Variants in RALGAPA2 observed in about 807,000 individuals in gnomAD.
RALGAPA2 encodes the protein ral GTPase-activating protein subunit alpha-2.
A neutral mutation model predicts 230.4 loss-of-function variants in RALGAPA2; 139 were observed. That is an observed-to-expected ratio of 0.60 (90% CI 0.53 to 0.69). The LOEUF is 0.69. Ranked by LOEUF, RALGAPA2 falls within the 30% of genes least tolerant of loss-of-function variation. The pLI is 0.00. For missense variants in RALGAPA2, 2,163 were observed against 2,276.0 expected, an observed-to-expected ratio of 0.95 and a Z score of 1.01; for synonymous variants, 847 against 837.8, an observed-to-expected ratio of 1.01 and a Z score of -0.19.
At chr20:20,709,311 T>C (rs923589494) in intron 1 of RALGAPA2, among the ~76,000 whole-genome samples, 1 of 150,714 alleles carries the variant, frequency 6.6e-6, no homozygotes, top group Non-Finnish European at 1.5e-5. Flanking sequence ...AGAGTGAGAC[T>C]CCATCTCAAA....
At chr20:20,578,052 A>C (rs1488452122) in intron 20 of RALGAPA2, among the ~76,000 whole-genome samples, 2 of 152,116 alleles carry the variant, frequency 1.3e-5, no homozygotes, top group African/African-American at 4.8e-5. Context: ...ACTGCTTTAC[A>C]CTCAGAAAAA....
intron 35 of RALGAPA2, among the ~76,000 whole-genome samples, chr20:20,496,422 T>C (rs1372420298): frequency 6.6e-6 from 1 of 152,180 alleles, no homozygotes; most frequent in Non-Finnish European, 1.5e-5. Context: ...AAGATTAAAA[T>C]GTTGGCCAAA....
chr20:20,455,884 T>C (rs548151305), intron 37 of RALGAPA2, among the ~76,000 whole-genome samples: 2 of 152,260 alleles, frequency 1.3e-5, no homozygotes, highest in South Asian at 4.1e-4. Context: ...AAAAGTCAAA[T>C]ACAATTATGA....
At position 20,391,281 on chromosome 20, in the gene RALGAPA2, T is replaced by C. The variant is rs546861646; in HGVS notation, c.*2008A>G. On this transcript the variant is annotated 3_prime_UTR_variant, in exon 40 of 40. Coordinates refer to ENST00000202677, the MANE Select transcript of RALGAPA2 (RefSeq NM_020343.4). ...TATGCTGCCCAGATGTCTGGAATCA[T>C]TTAAAATAAAGGGGCATTTGCTGAC... is the stretch of plus-strand genomic sequence containing the variant. The C allele has an allele frequency of 2.0e-5, 3 of 152,234 alleles. No individual in the cohort carries two copies. Among genetic ancestry groups the C allele is most frequent in the Admixed American group, 6.5e-5 (1 of 15,302 alleles). 9.4% of individuals were successfully genotyped at this position (152,234 alleles called of 1,614,324 possible).
At chr20:20,571,144 AC>A (rs1357294014) in intron 23 of RALGAPA2, among the ~76,000 whole-genome samples, 1 of 152,218 alleles carries the variant, frequency 6.6e-6, no homozygotes, top group African/African-American at 2.4e-5. Flanking sequence ...TTAATGCAGA[AC>A]CCAAACAAAA....
chr20:20,575,419 T>C (rs1006547704), intron 20 of RALGAPA2, among the ~76,000 whole-genome samples: 10 of 151,806 alleles, frequency 6.6e-5, no homozygotes, highest in South Asian at 4.2e-4. Context: ...TTTTTTTTTT[T>C]CCTGGAATTC....
At chr20:20,655,129 A>C (rs1036659959) in intron 3 of RALGAPA2, among the ~76,000 whole-genome samples, 10 of 152,220 alleles carry the variant, frequency 6.6e-5, no homozygotes, top group Admixed American at 3.3e-4. Flanking sequence ...TTACTACACG[A>C]TAATTCTGAC....
chr20:20,623,190 T>C (rs942471834), intron 10 of RALGAPA2, among the ~76,000 whole-genome samples: 1 of 152,190 alleles, frequency 6.6e-6, no homozygotes, highest in Non-Finnish European at 1.5e-5. Context: ...TAAGATTTAA[T>C]TTAAAAATCT....
Position 20,649,300 on chromosome 20 carries a change from G to A in RALGAPA2, c.328+4230C>T, listed in dbSNP as rs192565028. Among the ~76,000 whole-genome samples, 56 of 152,248 alleles carry A rather than the reference G, an allele frequency of 3.7e-4. 1 individual carries two copies. In the East Asian group the frequency reaches 0.01, roughly 28 times the overall value. On this transcript the variant is annotated intron_variant, in intron 4 of 39. Coordinates refer to ENST00000202677, the MANE Select transcript of RALGAPA2 (RefSeq NM_020343.4). ...GGAGCAGGGAAAGCTGCCAGACTCAGGCTCCCAAGGAAAAGTTAGGACCCA... is the reference window on the plus strand; with the variant it reads ...GGAGCAGGGAAAGCTGCCAGACTCAAGCTCCCAAGGAAAAGTTAGGACCCA...
intron 5 of RALGAPA2, among the ~76,000 whole-genome samples, chr20:20,641,336 T>C (rs1265694642): frequency 5.9e-5 from 9 of 152,216 alleles, no homozygotes; most frequent in Non-Finnish European, 8.8e-5. Context: ...CAATTATCCA[T>C]AAAAACAATG....
chr20:20,644,114 T>C (rs1039350718), intron 4 of RALGAPA2, among the ~76,000 whole-genome samples: 3 of 152,162 alleles, frequency 2.0e-5, no homozygotes, highest in Admixed American at 6.5e-5. Context: ...CTTAGGAGGA[T>C]AGAACACTAT....
chr20:20,502,367 C>A (rs1462142758), intron 35 of RALGAPA2, among the ~76,000 whole-genome samples: 1 of 152,168 alleles, frequency 6.6e-6, no homozygotes, highest in Non-Finnish European at 1.5e-5. Flanking sequence ...AAAAAAGAAT[C>A]AATTAGACCA....
At chr20:20,550,768 G>A (rs1030311449) in intron 23 of RALGAPA2, among the ~76,000 whole-genome samples, 3 of 152,152 alleles carry the variant, frequency 2.0e-5, no homozygotes, top group Admixed American at 6.5e-5. Flanking sequence ...TATGTAATGG[G>A]ATAGGAGATA....
chr20:20,555,254 GA>G lies in RALGAPA2; in HGVS notation c.3157-8423del, dbSNP rs1421809472. Among the ~76,000 whole-genome samples the G allele has an allele frequency of 5.3e-5, 8 of 152,180 alleles. No individual in the cohort carries two copies. The East Asian group carries it at 1.3e-3, about 26-fold the overall frequency. On this transcript the variant is annotated intron_variant, in intron 23 of 39. Transcript: ENST00000202677. ...CTATGGGCTTACGAGTTTACTTCTAGACTCTTAATTCTATTCCATTGATCTA... is the reference window on the plus strand; with the variant it reads ...CTATGGGCTTACGAGTTTACTTCTAGCTCTTAATTCTATTCCATTGATCTA...
chr20:20,663,599 C>G (rs887576003), intron 3 of RALGAPA2, among the ~76,000 whole-genome samples: 2 of 151,846 alleles, frequency 1.3e-5, no homozygotes, highest in Non-Finnish European at 2.9e-5. Context: ...ATTATTATTA[C>G]TATTATTTTT....
At position 20,620,574 on chromosome 20, in the gene RALGAPA2, G is replaced by A. The variant is rs2066288490; in HGVS notation, c.1290C>T (p.Tyr430=). Residue 430 remains tyrosine (Y), a synonymous_variant, in exon 11 of 40, where the codon TAC becomes TAT. Coordinates refer to ENST00000202677, the MANE Select transcript of RALGAPA2 (RefSeq NM_020343.4). The part of the protein sequence containing the change: ...IAVTRKVVQV[Y]RKWILQDKPV... ...GTTTGTCCTGGAGAATCCACTTTCT[G>A]TACACTTGAACTACTTTTCTTGTTA... The A allele has an allele frequency of 1.2e-6, 2 of 1,613,718 alleles. No homozygotes were observed. Among genetic ancestry groups the A allele is most frequent in the Non-Finnish European group, 1.7e-6 (2 of 1,179,764 alleles).
chr20:20,393,259 A>T lies in RALGAPA2; in HGVS notation c.*36-6T>A. The T allele has an allele frequency of 7.5e-7, 1 of 1,339,106 alleles. No individual in the cohort carries two copies. Among genetic ancestry groups the T allele is most frequent in the South Asian group, 1.2e-5 (1 of 82,996 alleles). 83.0% of individuals were successfully genotyped at this position (1,339,106 alleles called of 1,614,324 possible). A position where few individuals can be genotyped will look rare whatever the true frequency, so the allele number is the denominator to read the frequency against. On this transcript the variant is annotated splice_region_variant and splice_polypyrimidine_tract_variant and intron_variant, in intron 39 of 39. Transcript: ENST00000202677. ...CAGACTGGAGGCCAGGGCCCCTGCAAAGGAAGCAGAGAACTGCTAAGTCAT... is the reference window on the plus strand; with the variant it reads ...CAGACTGGAGGCCAGGGCCCCTGCATAGGAAGCAGAGAACTGCTAAGTCAT...
At chr20:20,696,063 A>T (rs2069102799) in intron 1 of RALGAPA2, among the ~76,000 whole-genome samples, 1 of 151,950 alleles carries the variant, frequency 6.6e-6, no homozygotes, top group Non-Finnish European at 1.5e-5. Context: ...CCGTCTCCAT[A>T]TTGTTACAAG....
chr20:20,712,264 A>ACCCCAAC lies in RALGAPA2; in HGVS notation c.106+110_106+111insGTTGGGG. 1 of 347,762 alleles carries ACCCCAAC rather than the reference A, an allele frequency of 2.9e-6. No individual in the cohort carries two copies. 21.5% of individuals were successfully genotyped at this position (347,762 alleles called of 1,614,324 possible). On this transcript the variant is annotated intron_variant, in intron 1 of 39. Coordinates refer to ENST00000202677, the MANE Select transcript of RALGAPA2 (RefSeq NM_020343.4). This position sits in a 1 kb window ranked among gnomAD's most constrained non-coding sequence, Gnocchi z 5.5. ...ATCCAGGGAAGGGGGTCGGACGCCC[A>ACCCCAAC]CCCATCCCCCTCCCCAGCCTCCCAG...
Sources: gnomAD v4.1 joint callset for allele counts (sites outside exome capture counted in the v4.1 genomes callset) on GRCh38, gnomAD v4.1.1 for gene constraint, Gnocchi (gnomAD v3.1) non-coding constraint, MANE v1.5 for transcripts, NCBI Gene and HGNC (gene_info 2026-07-23, HGNC 2026-07-21) for gene names.